WDR44: variants seen among roughly 807,000 people sequenced by gnomAD.
WDR44 encodes the protein WD repeat domain 44.
A neutral mutation model predicts 65.7 loss-of-function variants in WDR44; 9 were observed. That is an observed-to-expected ratio of 0.14 (90% CI 0.08 to 0.24). The LOEUF (loss-of-function observed/expected upper bound fraction) is 0.24, where lower values mean the gene tolerates loss of function less well. Among genes scored for constraint, WDR44 ranks in the 10% least tolerant of loss-of-function variants. The pLI is 1.00. For missense variants in WDR44, 425 were observed against 670.9 expected (o/e 0.63, Z 4.05); for synonymous variants, 220 against 235.2 (o/e 0.94, Z 0.59).
chrX:118,438,632 CAG>C (rs1270693609), intron 14 of WDR44, among the ~76,000 whole-genome samples: 1 of 109,608 alleles, frequency 9.1e-6, no homozygotes, highest in Non-Finnish European at 1.9e-5. Context: ...TTAGTAGAGA[CAG>C]GGTATTGCCA....
chrX:118,393,001 G>A lies in WDR44; in HGVS notation c.556G>A (p.Gly186Ser), dbSNP rs1235044498. 8 of 1,212,171 alleles carry A rather than the reference G, an allele frequency of 6.6e-6. No homozygotes were observed. The highest frequency in any genetic ancestry group is 2.3e-4 in the Middle Eastern group (1 of 4,354). ...CAAGGAAGCAGTGGAAGTCAAAGGA[G>A]GTGGTGATGTTTTAGAGCCTGTGTC... ...LNKEAVEVKG[G>S]GDVLEPVSSD... Residue 186 changes from glycine to serine, a missense_variant, in exon 4 of 20, where the codon GGT becomes AGT. Gly to Ser is a moderately conservative substitution (Grantham distance 56). This residue lies in a region of WDR44 where 193 missense variants were observed against 209.0 expected (regional missense o/e 0.92). Coordinates refer to ENST00000254029, the MANE Select transcript of WDR44 (RefSeq NM_019045.5).
At chrX:118,390,511 A>G (rs1412077377) in intron 3 of WDR44, among the ~76,000 whole-genome samples, 1 of 111,952 alleles carries the variant, frequency 8.9e-6, no homozygotes, top group East Asian at 2.8e-4. Context: ...AAGAATAATA[A>G]TAGAAGTGCA....
At chrX:118,406,165 G>T (rs181494983) in intron 9 of WDR44, among the ~76,000 whole-genome samples, 14 of 111,730 alleles carry the variant, frequency 1.3e-4, no homozygotes, top group Middle Eastern at 4.6e-3. Context: ...ATGTGCATAG[G>T]TTATATGCAA....
intron 10 of WDR44, among the ~76,000 whole-genome samples, chrX:118,408,396 CT>C (rs59082617): frequency 0.29 from 28,771 of 100,544 alleles, 6,219 homozygotes; most frequent in African/African-American, 0.72. Flanking sequence ...ATACAACTAC[CT>C]TTTTTTTTTT....
At chrX:118,383,405 G>T (rs941007106) in intron 2 of WDR44, among the ~76,000 whole-genome samples, 3 of 111,487 alleles carry the variant, frequency 2.7e-5, no homozygotes, top group Non-Finnish European at 5.6e-5. Context: ...CTGCATTCCA[G>T]CCTGGGCAAC....
intron 1 of WDR44, among the ~76,000 whole-genome samples, chrX:118,357,667 A>G (rs2147663792): frequency 9.1e-6 from 1 of 110,144 alleles, no homozygotes; most frequent in African/African-American, 3.3e-5. Flanking sequence ...AGACCCTTTG[A>G]GGCCAGGTAC....
intron 15 of WDR44, among the ~76,000 whole-genome samples, 197 bp downstream of exon 15, chrX:118,441,756 T>C (rs943376113): frequency 2.8e-4 from 31 of 111,435 alleles, no homozygotes; most frequent in Non-Finnish European, 5.5e-4. Context: ...AAAATTTTTT[T>C]TTGAGATGGA....
intron 12 of WDR44, among the ~76,000 whole-genome samples, chrX:118,414,487 C>T (rs2057039672): frequency 9.0e-6 from 1 of 110,866 alleles, no homozygotes; most frequent in Admixed American, 9.6e-5. Flanking sequence ...GCCATTTTCA[C>T]AATATTGATT....
At chrX:118,409,956 A>G (rs755818504) in intron 11 of WDR44, among the ~76,000 whole-genome samples, 1 of 112,331 alleles carries the variant, frequency 8.9e-6, no homozygotes, top group African/African-American at 3.2e-5. Context: ...AAGAATGAAA[A>G]TCATATATAT....
chrX:118,387,505 C>T (rs2056782019), intron 3 of WDR44, 91 bp downstream of exon 3: 3 of 576,777 alleles, frequency 5.2e-6, no homozygotes, highest in East Asian at 4.1e-5. Flanking sequence ...TTTAGTATAG[C>T]GCTCTGTACA....
At chrX:118,405,643 T>C (rs759755831) in intron 9 of WDR44, among the ~76,000 whole-genome samples, 4 of 111,726 alleles carry the variant, frequency 3.6e-5, no homozygotes, top group Non-Finnish European at 7.5e-5. Context: ...CCTGGCCAGC[T>C]ATTTGGTTTT....
chrX:118,446,083 G>A (rs1240013150), intron 19 of WDR44, among the ~76,000 whole-genome samples: 1 of 107,114 alleles, frequency 9.3e-6, no homozygotes, highest in Non-Finnish European at 1.9e-5. Context: ...CTTGAGGTCA[G>A]GAGTTCAAGA....
chrX:118,429,765 C>G (rs906530383), intron 12 of WDR44, among the ~76,000 whole-genome samples: 1 of 110,408 alleles, frequency 9.1e-6, no homozygotes, highest in African/African-American at 3.3e-5. Flanking sequence ...CCTGCCTTAG[C>G]CTCCCGAGTA....
intron 1 of WDR44, among the ~76,000 whole-genome samples, chrX:118,354,275 G>A (rs969919283): frequency 5.5e-5 from 6 of 110,026 alleles, no homozygotes; most frequent in Non-Finnish European, 1.1e-4. Context: ...AAAATTAGTT[G>A]GACATGATGG....
intron 14 of WDR44, among the ~76,000 whole-genome samples, chrX:118,440,905 A>C (rs1464560246): frequency 9.2e-6 from 1 of 109,197 alleles, no homozygotes; most frequent in African/African-American, 3.3e-5. Context: ...CTTTCAGTGC[A>C]TAAAATAATG....
intron 12 of WDR44, among the ~76,000 whole-genome samples, chrX:118,427,127 A>C (rs2057164002): frequency 9.0e-6 from 1 of 111,246 alleles, no homozygotes; most frequent in South Asian, 3.8e-4. Flanking sequence ...ATTTTAAGGG[A>C]TAAGAGTCTC....
At position 118,439,030 on chromosome X, in the gene WDR44, C is replaced by T. The variant is rs182312306; in HGVS notation, c.1974+2206C>T. Among the ~76,000 whole-genome samples, 425 of 107,801 alleles carry T rather than the reference C, an allele frequency of 3.9e-3. 10 individuals are homozygous for T. The East Asian group carries it at 0.089, about 23-fold the overall frequency. The allele number at this position is 107,801 out of a possible 115,157, so 93.6% of individuals were successfully genotyped here. ...ACAACTCTTGACCTCAAGTGATCCG[C>T]CTGCCTCAGCCTCACAAAGTGCTGG... On this transcript the variant is annotated intron_variant, in intron 14 of 19. Transcript: ENST00000254029.
At chrX:118,410,578 T>C (rs749150625) in intron 11 of WDR44, among the ~76,000 whole-genome samples, 1 of 111,694 alleles carries the variant, frequency 9.0e-6, no homozygotes, top group Non-Finnish European at 1.9e-5. Context: ...CCCTGAACCT[T>C]TCTGCTCCTT....
chrX:118,362,327 T>C (rs1212513505), intron 1 of WDR44, among the ~76,000 whole-genome samples: 1 of 112,183 alleles, frequency 8.9e-6, no homozygotes, highest in Non-Finnish European at 1.9e-5. Flanking sequence ...TTGATATTTA[T>C]CTAGAAAGTT....
Sources: gnomAD v4.1 joint callset for allele counts (sites outside exome capture counted in the v4.1 genomes callset) on GRCh38, gnomAD v4.1.1 for gene constraint, gnomAD v4.1.1 regional missense constraint, MANE v1.5 for transcripts, NCBI Gene and HGNC (gene_info 2026-07-23, HGNC 2026-07-21) for gene names.